MPPE1: variants seen among roughly 807,000 people sequenced by gnomAD.
The protein encoded by MPPE1 is metallo phosphoesterase.
A neutral mutation model predicts 43.8 loss-of-function variants in MPPE1; 28 were observed. The observed-to-expected ratio is 0.64, with a 90% CI of 0.47 to 0.88. The LOEUF (loss-of-function observed/expected upper bound fraction) is 0.88. MPPE1 is among the 40% of genes least tolerant of loss of function. MPPE1 has a pLI of 0.00. For synonymous variants in MPPE1, 159 were observed against 188.5 expected, an observed-to-expected ratio of 0.84 and a Z score of 1.28; for missense variants, 428 against 492.2, an observed-to-expected ratio of 0.87 and a Z score of 1.23.
chr18:11,901,910 CA>C, intron 2 of MPPE1, among the ~76,000 whole-genome samples: 1 of 152,166 alleles, frequency 6.6e-6, no homozygotes, highest in Non-Finnish European at 1.5e-5. Flanking sequence ...ACAGAGAGGT[CA>C]AAAGCAGCCT....
chr18:11,903,733 G>A (rs914670052), intron 2 of MPPE1, among the ~76,000 whole-genome samples: 4 of 152,144 alleles, frequency 2.6e-5, no homozygotes, highest in African/African-American at 9.7e-5. Flanking sequence ...GTGAACCCAG[G>A]AGGCGGAGCT....
At chr18:11,885,894 G>T in intron 9 of MPPE1, 78 bp from the exon 10 acceptor site, 1 of 1,342,798 alleles carries the variant, frequency 7.4e-7, no homozygotes, top group Non-Finnish European at 9.9e-7. Flanking sequence ...GCAGACGGCC[G>T]CTGGCCATCG....
At position 11,886,302 on chromosome 18, in the gene MPPE1, T is replaced by C. The variant is rs975650450; in HGVS notation, c.867+197A>G. 2 of 678,506 alleles carry C rather than the reference T, an allele frequency of 2.9e-6. No homozygotes were observed. Among genetic ancestry groups the C allele is most frequent in the Non-Finnish European group, 4.9e-6 (2 of 405,074 alleles). The allele number at this position is 678,506 out of a possible 1,614,324, so 42.0% of individuals were successfully genotyped here. Reference sequence around the variant, plus strand: ...GGGTAGGAAACAGAAGTAGGTTTACTGGAAAAAAAAAAAGCGATTAAATGA... The same window carrying C: ...GGGTAGGAAACAGAAGTAGGTTTACCGGAAAAAAAAAAAGCGATTAAATGA... On this transcript the variant is annotated intron_variant, in intron 9 of 10. Coordinates refer to ENST00000588072, the MANE Select transcript of MPPE1 (RefSeq NM_023075.6). The surrounding 1 kb of genome is among the most constrained non-coding windows in gnomAD (Gnocchi z 4.1).
In MPPE1 at chr18:11,884,591, A is replaced by C. The variant is rs2036894097; in HGVS notation, c.1045T>G (p.Cys349Gly). ...ITPTDYTLSKCYLPREDVVLI... is the reference protein window; with the variant it reads ...ITPTDYTLSKGYLPREDVVLI... The stretch of plus-strand genomic sequence containing the variant: ...ACCACATCCTCACGTGGGAGGTAGC[A>C]CTTGGAGAGGGTGTAGTCTGTGGGC... Residue 349 changes from cysteine (C) to glycine (G), a missense_variant, in exon 11 of 11, where the codon TGC (cysteine) becomes GGC (glycine). By Grantham distance (159) the Cys-to-Gly change is radical. Around this residue, in one of 3 missense-constraint regions of MPPE1, gnomAD observed 379 missense variants for 402.5 expected, o/e 0.94. Coordinates refer to ENST00000588072, the MANE Select transcript of MPPE1 (RefSeq NM_023075.6). The C allele has an allele frequency of 6.2e-7, 1 of 1,613,808 alleles. No individual in the cohort carries two copies. Among genetic ancestry groups the C allele is most frequent in the Non-Finnish European group, 8.5e-7 (1 of 1,180,038 alleles).
intron 2 of MPPE1, among the ~76,000 whole-genome samples, chr18:11,903,215 A>C (rs2039368822): frequency 6.6e-6 from 1 of 152,214 alleles, no homozygotes; most frequent in South Asian, 2.1e-4. Context: ...CTGAGGGTCC[A>C]CAGCTGCCAC....
chr18:11,886,804 A>C lies in MPPE1; in HGVS notation c.679-26T>G, dbSNP rs776319872. On this transcript the variant is annotated intron_variant, in intron 7 of 10. Transcript: ENST00000588072. This position sits in a 1 kb window ranked among gnomAD's most constrained non-coding sequence, Gnocchi z 4.1. ...CTGCTGGGTACAAGTCAGGCCATTA[A>C]TCCGCACACCTGACCCTCATCAAAG... 1.2e-5 allele frequency: 20 copies of C among 1,609,110 alleles called. No homozygotes were observed. The highest frequency in any genetic ancestry group is 1.7e-5 in the Non-Finnish European group (20 of 1,177,542).
At chr18:11,906,849 CG>C (rs1176296401) in intron 1 of MPPE1, among the ~76,000 whole-genome samples, 1 of 117,742 alleles carries the variant, frequency 8.5e-6, no homozygotes, top group Non-Finnish European at 1.6e-5. Context: ...AGCGAAACTC[CG>C]TCTCAAAAAA....
In MPPE1 at chr18:11,889,508, A is replaced by G. The variant is rs188124798; in HGVS notation, c.391-18T>C. 6 of 1,582,058 alleles carry G rather than the reference A, an allele frequency of 3.8e-6. No homozygotes were observed. The highest frequency in any genetic ancestry group is 5.2e-6 in the Non-Finnish European group (6 of 1,157,470). ...GCCCAGGCCTGAGGGAAAAAGAATC[A>G]CTGCTGAGAGCCAGAGAACCATCTC... On this transcript the variant is annotated intron_variant, in intron 4 of 10. Transcript: ENST00000588072.
rs1555619442 is a variant in MPPE1 at position 11,884,509 on chromosome 18, A to G, written c.1127T>C (p.Phe376Ser). 1 of 1,614,172 alleles carries G rather than the reference A, an allele frequency of 6.2e-7. No individual in the cohort carries two copies. The highest frequency in any genetic ancestry group is 1.1e-5 in the South Asian group (1 of 91,082). The stretch of plus-strand genomic sequence containing the variant: ...AAGAAAAGGTGAGGCTAGAAGCCCA[A>G]AGTGAGTGAGTGTGAGGACCACAAG... ...GFLVVLTLTH[F>S]GLLASPFLSG... The change falls in exon 11 of 11, where the codon TTT (phenylalanine) becomes TCT (serine). Residue 376 changes from phenylalanine to serine, a missense_variant. Phe to Ser is a radical substitution (Grantham distance 155). Transcript: ENST00000588072.
intron 2 of MPPE1, chr18:11,905,332 AAC>A: frequency 1.3e-5 from 2 of 152,362 alleles, no homozygotes; most frequent in Middle Eastern, 6.8e-3. Flanking sequence ...AACAAAAAAA[AAC>A]AACAAAAAAC....
intron 2 of MPPE1, among the ~76,000 whole-genome samples, chr18:11,901,878 G>C (rs1028062703): frequency 1.5e-4 from 23 of 152,198 alleles, no homozygotes; most frequent in African/African-American, 5.1e-4. Context: ...ACAAATACTG[G>C]ATTTTAACTA....
rs202068246 is a variant in MPPE1 at position 11,886,736 on chromosome 18, T to A, written c.721A>T (p.Thr241Ser). Residue 241 changes from threonine to serine, a missense_variant, in exon 8 of 11, where the codon ACG becomes TCG. Thr to Ser is a moderately conservative substitution (Grantham distance 58). Around this residue, in one of 3 missense-constraint regions of MPPE1, gnomAD observed 379 missense variants for 402.5 expected, o/e 0.94. Transcript: ENST00000588072. The surrounding 1 kb of genome is among the most constrained non-coding windows in gnomAD (Gnocchi z 4.1). ...ACCTGCAGGAGGACAGGGGCAGACG[T>A]GGGCAGCAGAGGCCCAGGTCCACAC... ...SRCGPGPLLP[T>S]SAPVLLQHYP... 257 of 1,613,292 alleles carry A rather than the reference T, an allele frequency of 1.6e-4. No homozygotes were observed. The highest frequency in any genetic ancestry group is 2.1e-4 in the Non-Finnish European group (247 of 1,179,948).
In MPPE1 at chr18:11,885,094, C is replaced by A. The variant is rs75223582; in HGVS notation, c.1009-467G>T. The A allele has an allele frequency of 1.6e-3, 2,036 of 1,234,854 alleles. 31 individuals are homozygous for A. In the African/African-American group the frequency reaches 0.028, roughly 17 times the overall value. The allele number at this position is 1,234,854 out of a possible 1,614,324, so 76.5% of individuals were successfully genotyped here. On this transcript the variant is annotated intron_variant, in intron 10 of 10. Coordinates refer to ENST00000588072, the MANE Select transcript of MPPE1 (RefSeq NM_023075.6). ...CTCCATGGGCTTTTCTTTGCAGATA[C>A]TTTTATGTGGAACAACAGTGGCAAA...
chr18:11,890,150 G>A (rs1598508577), intron 4 of MPPE1, among the ~76,000 whole-genome samples: 2 of 151,480 alleles, frequency 1.3e-5, no homozygotes, highest in African/African-American at 4.8e-5. Context: ...CACTGTGTTA[G>A]CCAGGATGGT....
intron 4 of MPPE1, among the ~76,000 whole-genome samples, chr18:11,890,981 T>C (rs1321226138): frequency 4.6e-5 from 7 of 152,198 alleles, no homozygotes; most frequent in Admixed American, 4.6e-4. Flanking sequence ...AGAGTTATGT[T>C]AGTGTAGTTC....
chr18:11,895,012 A>C (rs1598544482), intron 3 of MPPE1, among the ~76,000 whole-genome samples: 1 of 152,224 alleles, frequency 6.6e-6, no homozygotes, highest in East Asian at 1.9e-4. Context: ...GTGTTTGCTC[A>C]GCCCTCCCCG....
intron 10 of MPPE1, 46 bp from the exon 11 acceptor site, chr18:11,884,673 T>G: frequency 6.4e-7 from 1 of 1,574,150 alleles, no homozygotes; most frequent in Non-Finnish European, 8.7e-7. Context: ...CAGGCACACG[T>G]TGAACACCGC....
chr18:11,884,645 A>G lies in MPPE1; in HGVS notation c.1009-18T>C. ...ATGCTACCCTGGAAAGGAGAAGGGA[A>G]AGTTATGCTGAGAGCACCAGGCACA... is the stretch of plus-strand genomic sequence containing the variant. On this transcript the variant is annotated intron_variant, in intron 10 of 10. Transcript: ENST00000588072. The G allele has an allele frequency of 1.2e-6, 2 of 1,611,224 alleles. No homozygotes were observed. Among genetic ancestry groups the G allele is most frequent in the Non-Finnish European group, 1.7e-6 (2 of 1,178,174 alleles).
chr18:11,900,974 T>C (rs1173617639), intron 2 of MPPE1, among the ~76,000 whole-genome samples: 3 of 151,484 alleles, frequency 2.0e-5, no homozygotes, highest in Non-Finnish European at 2.9e-5. Flanking sequence ...TTTGAGCCAT[T>C]ATCAAAAGTT....
Sources: allele counts gnomAD v4.1 joint callset (sites outside exome capture counted in the v4.1 genomes callset), GRCh38; gene constraint gnomAD v4.1.1; regional missense constraint gnomAD v4.1.1; non-coding constraint Gnocchi (gnomAD v3.1); transcripts MANE v1.5; gene names NCBI Gene and HGNC (gene_info 2026-07-23, HGNC 2026-07-21).